Variants in TSPAN14 observed in about 807,000 individuals in gnomAD.
TSPAN14 encodes the protein tetraspanin-14.
TSPAN14 carries 16 observed loss-of-function variants against 36.6 expected under a neutral mutation model. The ratio of observed to expected loss-of-function variants is 0.44; its 90% CI spans 0.30 to 0.66. The LOEUF is 0.66. Among genes scored for constraint, TSPAN14 ranks in the 30% least tolerant of loss-of-function variants. TSPAN14 has a pLI of 0.12. For missense variants in TSPAN14, 231 were observed against 355.1 expected (o/e 0.65, Z 2.81); for synonymous variants, 139 against 143.8 (o/e 0.97, Z 0.24).
chr10:80,483,811 G>A (rs1036935617), intron 1 of TSPAN14, among the ~76,000 whole-genome samples: 2 of 146,846 alleles, frequency 1.4e-5, no homozygotes, highest in Non-Finnish European at 3.0e-5. Context: ...TCAGTAGGCT[G>A]AGGCAGGATA....
chr10:80,480,310 G>T (rs1162636286), intron 1 of TSPAN14, among the ~76,000 whole-genome samples: 1 of 152,010 alleles, frequency 6.6e-6, no homozygotes, highest in Admixed American at 6.6e-5. Flanking sequence ...AATTGCCCTG[G>T]CCAGAACTTC....
chr10:80,491,567 A>G (rs1564730363), intron 2 of TSPAN14, among the ~76,000 whole-genome samples: 1 of 152,280 alleles, frequency 6.6e-6, no homozygotes, highest in East Asian at 1.9e-4. Flanking sequence ...GGGCCCTGGT[A>G]TCTTCATTTC....
intron 1 of TSPAN14, among the ~76,000 whole-genome samples, chr10:80,475,050 AC>A (rs1233546975): frequency 1.3e-5 from 2 of 152,054 alleles, no homozygotes; most frequent in Non-Finnish European, 2.9e-5. Context: ...GGTAGAGGAC[AC>A]CCAGTTGGAG....
chr10:80,481,431 G>A (rs1427961853), intron 1 of TSPAN14, among the ~76,000 whole-genome samples: 1 of 152,126 alleles, frequency 6.6e-6, no homozygotes, highest in Non-Finnish European at 1.5e-5. Context: ...GAAGTTGTAC[G>A]GGAAAAGAAA....
intron 2 of TSPAN14, among the ~76,000 whole-genome samples, chr10:80,497,642 G>A (rs966958202): frequency 3.9e-5 from 6 of 152,140 alleles, no homozygotes; most frequent in Admixed American, 2.0e-4. Context: ...TCTCCTGGGG[G>A]TACTGCCTAT....
At chr10:80,465,623 C>T (rs1014554690) in intron 1 of TSPAN14, among the ~76,000 whole-genome samples, 4 of 152,204 alleles carry the variant, frequency 2.6e-5, no homozygotes, top group African/African-American at 9.7e-5. Flanking sequence ...GTGACACCTA[C>T]AGTGGGAACA....
chr10:80,471,662 C>G (rs1846558439), intron 1 of TSPAN14, among the ~76,000 whole-genome samples: 1 of 152,186 alleles, frequency 6.6e-6, no homozygotes, highest in Non-Finnish European at 1.5e-5. Context: ...TGGGCAGCTT[C>G]ACCTTCAATG....
At chr10:80,460,811 T>C (rs1257471211) in intron 1 of TSPAN14, among the ~76,000 whole-genome samples, 3 of 152,202 alleles carry the variant, frequency 2.0e-5, no homozygotes, top group African/African-American at 7.2e-5. Flanking sequence ...TTCTGCCCCC[T>C]GAAGCTGAGC....
intron 1 of TSPAN14, among the ~76,000 whole-genome samples, chr10:80,460,590 A>T (rs528306889): frequency 6.6e-6 from 1 of 152,106 alleles, no homozygotes; most frequent in Admixed American, 6.5e-5. Flanking sequence ...GGCCAGTGTA[A>T]GAGTAGGGGA....
chr10:80,514,776 C>A (rs1840841283), intron 7 of TSPAN14, among the ~76,000 whole-genome samples: 1 of 152,174 alleles, frequency 6.6e-6, no homozygotes, highest in South Asian at 2.1e-4. Flanking sequence ...CTCCAAAATT[C>A]ACATGTTGGA....
At chr10:80,465,183 G>C (rs909008075) in intron 1 of TSPAN14, among the ~76,000 whole-genome samples, 1 of 152,112 alleles carries the variant, frequency 6.6e-6, no homozygotes, top group Non-Finnish European at 1.5e-5. Context: ...GTTCTGCCGA[G>C]TCTTCCCGGC....
intron 5 of TSPAN14, among the ~76,000 whole-genome samples, chr10:80,511,647 G>A (rs555500234): frequency 4.7e-5 from 7 of 147,668 alleles, no homozygotes; most frequent in East Asian, 2.0e-4. Context: ...ACCGTGGCCC[G>A]GAGATACCTT....
intron 1 of TSPAN14, among the ~76,000 whole-genome samples, chr10:80,486,642 G>T (rs1367664756): frequency 6.6e-6 from 1 of 152,178 alleles, no homozygotes; most frequent in African/African-American, 2.4e-5. Flanking sequence ...CTGAGGCCCA[G>T]CTCCCTGGAG....
chr10:80,481,297 T>G (rs1847260532), intron 1 of TSPAN14, among the ~76,000 whole-genome samples: 1 of 152,190 alleles, frequency 6.6e-6, no homozygotes, highest in Non-Finnish European at 1.5e-5. Flanking sequence ...GGAGGATTTC[T>G]TTTTGAAGAA....
At chr10:80,482,051 C>T (rs1037950352) in intron 1 of TSPAN14, among the ~76,000 whole-genome samples, 1 of 152,212 alleles carries the variant, frequency 6.6e-6, no homozygotes, top group Non-Finnish European at 1.5e-5. Flanking sequence ...CTGCGCTCAG[C>T]CTACATGCAG....
chr10:80,468,718 A>ATTTTTTT (rs34778414), intron 1 of TSPAN14: 1 of 135,802 alleles, frequency 7.4e-6, no homozygotes, highest in Non-Finnish European at 1.6e-5. Context: ...GCTTTTTTAA[A>ATTTTTTT]TTTTTTTTTT....
In TSPAN14 at chr10:80,454,766, C is replaced by T. The variant is rs557028755; in HGVS notation, c.-18+395C>T. Reference sequence around the variant, plus strand: ...CGCTGCTGCTCGGGGCTCTGCTTCTCGTCCCCAGCAGCGAGCTCGGGGATG... The same window carrying T: ...CGCTGCTGCTCGGGGCTCTGCTTCTTGTCCCCAGCAGCGAGCTCGGGGATG... On this transcript the variant is annotated intron_variant, in intron 1 of 8. Coordinates refer to ENST00000429989, the Ensembl canonical transcript of TSPAN14. Among the ~76,000 whole-genome samples the T allele has an allele frequency of 1.4e-4, 21 of 152,200 alleles. No homozygotes were observed. The East Asian group carries it at 3.9e-3, about 28-fold the overall frequency.
intron 1 of TSPAN14, among the ~76,000 whole-genome samples, chr10:80,468,323 A>G: frequency 6.6e-6 from 1 of 152,292 alleles, no homozygotes; most frequent in East Asian, 1.9e-4. Context: ...GTCTTGGAAG[A>G]GGCAGGTCTC....
chr10:80,466,771 A>G (rs1016898440), intron 1 of TSPAN14, among the ~76,000 whole-genome samples: 10 of 152,208 alleles, frequency 6.6e-5, no homozygotes, highest in Admixed American at 2.0e-4. Context: ...GTGTGGGGAA[A>G]GGGTGCTTGA....
Sources: gnomAD v4.1 joint callset for allele counts (sites outside exome capture counted in the v4.1 genomes callset) on GRCh38, gnomAD v4.1.1 for gene constraint, MANE v1.5 for transcripts, NCBI Gene and HGNC (gene_info 2026-07-23, HGNC 2026-07-21) for gene names.